CACNA1C: variants seen among roughly 807,000 people sequenced by gnomAD.
The protein encoded by CACNA1C is calcium voltage-gated channel subunit alpha1 C.
A neutral mutation model predicts 229.0 loss-of-function variants in CACNA1C; 30 were observed. The observed-to-expected ratio is 0.13, with a 90% CI of 0.10 to 0.18. The LOEUF (loss-of-function observed/expected upper bound fraction) is 0.18, where lower values mean the gene tolerates loss of function less well. Ranked by LOEUF, CACNA1C falls within the 10% of genes least tolerant of loss-of-function variation. The probability of loss-of-function intolerance (pLI) is 1.00; values close to 1 mark genes in which losing one functional copy is unlikely to be tolerated. For missense variants in CACNA1C, 1,658 were observed against 2,845.0 expected, an observed-to-expected ratio of 0.58 and a Z score of 9.49; for synonymous variants, 1,114 against 1,132.5, an observed-to-expected ratio of 0.98 and a Z score of 0.33.
chr12:2,216,165 G>T lies in CACNA1C; in HGVS notation c.477+95735G>T, dbSNP rs1483056998. 2.0e-5 allele frequency among the ~76,000 whole-genome samples: 3 copies of T among 152,302 alleles called. No homozygotes were observed. In the East Asian group the frequency reaches 5.8e-4, roughly 29 times the overall value. On this transcript the variant is annotated intron_variant, in intron 3 of 46. Coordinates refer to ENST00000399655, the MANE Select transcript of CACNA1C (RefSeq NM_000719.7). ...TGGGCAAGAGCGAGGGGAGGCCAGG[G>T]CTTAGGGATGAAATGTGAGGATGGG...
intron 3 of CACNA1C, among the ~76,000 whole-genome samples, chr12:2,270,651 G>A (rs1305164344): frequency 6.6e-6 from 1 of 152,188 alleles, no homozygotes; most frequent in Non-Finnish European, 1.5e-5. Flanking sequence ...AGGCCAGGAT[G>A]GAGGAAGCAG....
intron 3 of CACNA1C, among the ~76,000 whole-genome samples, chr12:2,418,299 A>G (rs755960140): frequency 3.9e-5 from 6 of 152,146 alleles, no homozygotes; most frequent in Non-Finnish European, 5.9e-5. Flanking sequence ...TCAGATGGCT[A>G]TAAATACAAC....
chr12:1,983,242 C>T (rs575444174), intron 1 of CACNA1C, among the ~76,000 whole-genome samples: 8 of 148,936 alleles, frequency 5.4e-5, no homozygotes, highest in Non-Finnish European at 1.2e-4. Flanking sequence ...TGTTTTTTAT[C>T]TCATTGATTT....
intron 3 of CACNA1C, among the ~76,000 whole-genome samples, chr12:2,326,720 T>C (rs2096312786): frequency 6.6e-6 from 1 of 152,250 alleles, no homozygotes; most frequent in Non-Finnish European, 1.5e-5. Context: ...AAGGCCTGGC[T>C]GCATTGATCA....
chr12:2,591,321 C>T (rs1021783331), intron 18 of CACNA1C, among the ~76,000 whole-genome samples: 1 of 152,170 alleles, frequency 6.6e-6, no homozygotes, highest in Admixed American at 6.5e-5. Flanking sequence ...TATCTTTCTC[C>T]AGCCAGACTA....
rs1463488690 is a variant in CACNA1C, at chr12:2,348,523, G to A, written c.478-100453G>A. Among the ~76,000 whole-genome samples the A allele has an allele frequency of 1.3e-5, 2 of 152,246 alleles. No homozygotes were observed. The highest frequency in any genetic ancestry group is 4.8e-5 in the African/African-American group (2 of 41,462). ...AGGGCTACAAATAGTCTCCCCGAGG[G>A]AATGGGCTCATACGCCGGGTGGGCA... On this transcript the variant is annotated intron_variant, in intron 3 of 46. Coordinates refer to ENST00000399655, the MANE Select transcript of CACNA1C (RefSeq NM_000719.7). The surrounding 1 kb of genome is among the most constrained non-coding windows in gnomAD (Gnocchi z 4.7).
intron 3 of CACNA1C, among the ~76,000 whole-genome samples, chr12:2,257,924 A>G (rs1342739707): frequency 1.3e-5 from 2 of 152,126 alleles, no homozygotes; most frequent in African/African-American, 4.8e-5. Flanking sequence ...CAGAAGCGGC[A>G]TTTTCATACA....
At chr12:2,376,693 G>T (rs1360631000) in intron 3 of CACNA1C, among the ~76,000 whole-genome samples, 2 of 152,168 alleles carry the variant, frequency 1.3e-5, no homozygotes, top group East Asian at 3.9e-4. Context: ...TATGTGGAGG[G>T]CAAGACCACC....
At chr12:2,428,119 A>G (rs2099050324) in intron 3 of CACNA1C, among the ~76,000 whole-genome samples, 1 of 144,246 alleles carries the variant, frequency 6.9e-6, no homozygotes, top group African/African-American at 2.6e-5. Context: ...CTACTTTCAT[A>G]AGATTGACTT....
intron 29 of CACNA1C, among the ~76,000 whole-genome samples, chr12:2,627,506 C>T (rs114297374): frequency 3.2e-4 from 48 of 152,178 alleles, no homozygotes; most frequent in African/African-American, 1.1e-3. Flanking sequence ...TTCTGGGACC[C>T]AGAAAAGATC....
intron 7 of CACNA1C, among the ~76,000 whole-genome samples, chr12:2,503,334 A>G (rs901738599): frequency 1.3e-5 from 2 of 152,248 alleles, no homozygotes; most frequent in Non-Finnish European, 2.9e-5. Flanking sequence ...TTGGGTTTCT[A>G]TGAGCTAGTT....
At chr12:2,652,817 G>A (rs2095141326) in intron 32 of CACNA1C, among the ~76,000 whole-genome samples, 1 of 152,236 alleles carries the variant, frequency 6.6e-6, no homozygotes, top group Non-Finnish European at 1.5e-5. Context: ...GTAGACACCA[G>A]CGGAAGCAGG....
intron 8 of CACNA1C, 104 bp downstream of exon 8, chr12:2,505,049 A>G: frequency 2.9e-6 from 2 of 692,368 alleles, no homozygotes; most frequent in South Asian, 3.2e-5. Flanking sequence ...TGAACCTGGG[A>G]TAAGGGGTCA....
chr12:2,048,284 G>A (rs2051428048), upstream of CACNA1C: 2 of 152,220 alleles, frequency 1.3e-5, no homozygotes, highest in Non-Finnish European at 2.9e-5. Flanking sequence ...CCTTTGAGAA[G>A]GAACGGTTGT....
chr12:2,193,587 C>T lies in CACNA1C; in HGVS notation c.477+73157C>T, dbSNP rs111680402. Among the ~76,000 whole-genome samples the T allele has an allele frequency of 1.0e-4, 16 of 152,388 alleles. 1 individual carries two copies. The highest frequency in any genetic ancestry group is 3.1e-4 in the African/African-American group (13 of 41,594). On this transcript the variant is annotated intron_variant, in intron 3 of 46. Transcript: ENST00000399655. ...GAACTCAGGCAAGCGATGAGCAAGC[C>T]GTCTGAATTGAGCAAGGGCCTTGGG...
At chr12:2,535,262 G>A (rs1287062749) in intron 9 of CACNA1C, among the ~76,000 whole-genome samples, 13 of 152,102 alleles carry the variant, frequency 8.5e-5, no homozygotes, top group African/African-American at 2.7e-4. Context: ...GGTGCTGGGC[G>A]CCTATAGTCC....
rs147827196 is a variant in CACNA1C at position 2,469,973 on chromosome 12, T to G, written c.757+12267T>G. ...TTCCAGAAATAAAAAAAAGCTTGAA[T>G]ACCCCTGAAATTCCTCTGAGTATTA... is the stretch of plus-strand genomic sequence containing the variant. On this transcript the variant is annotated intron_variant, in intron 5 of 46. Transcript: ENST00000399655. 1.7e-3 allele frequency among the ~76,000 whole-genome samples: 257 copies of G among 152,324 alleles called. 1 individual carries two copies. Among genetic ancestry groups the G allele is most frequent in the African/African-American group, 5.8e-3 (242 of 41,582 alleles).
chr12:2,357,288 T>A (rs2097399894), intron 3 of CACNA1C, among the ~76,000 whole-genome samples: 1 of 152,212 alleles, frequency 6.6e-6, no homozygotes, highest in South Asian at 2.1e-4. Context: ...CATCTCTGTT[T>A]CCTGATGAAA....
chr12:2,472,512 T>C (rs1333888692), intron 5 of CACNA1C, among the ~76,000 whole-genome samples: 1 of 152,178 alleles, frequency 6.6e-6, no homozygotes, highest in East Asian at 1.9e-4. Context: ...CCCTTTAAGA[T>C]CATATACTCA....
Sources: gnomAD v4.1 joint callset for allele counts (sites outside exome capture counted in the v4.1 genomes callset) on GRCh38, gnomAD v4.1.1 for gene constraint, Gnocchi (gnomAD v3.1) non-coding constraint, MANE v1.5 for transcripts, NCBI Gene and HGNC (gene_info 2026-07-23, HGNC 2026-07-21) for gene names.